TMX3: variants seen among roughly 807,000 people sequenced by gnomAD.
TMX3 encodes thioredoxin related transmembrane protein 3, also known as protein disulfide-isomerase TMX3.
A neutral mutation model predicts 64.4 loss-of-function variants in TMX3; 40 were observed. The observed-to-expected ratio is 0.62, with a 90% CI of 0.48 to 0.81. TMX3 has a LOEUF of 0.81. Among genes scored for constraint, TMX3 ranks in the 30% least tolerant of loss-of-function variants. The pLI is 0.00. For missense variants in TMX3, 497 were observed against 534.5 expected (o/e 0.93, Z 0.69); for synonymous variants, 189 against 175.7 (o/e 1.08, Z -0.60).
chr18:68,713,791 G>T, intron 2 of TMX3, 55 bp downstream of exon 2: 1 of 863,840 alleles, frequency 1.2e-6, no homozygotes, highest in Non-Finnish European at 1.6e-6. Context: ...CAAATATTCA[G>T]ATATCTGAGT....
At chr18:68,684,081 A>G in intron 12 of TMX3, 109 bp downstream of exon 12, 1 of 817,066 alleles carries the variant, frequency 1.2e-6, no homozygotes, top group Non-Finnish European at 2.0e-6. Context: ...ATTTAACTTC[A>G]TTTCTTTGAT....
At chr18:68,679,613 G>T in intron 14 of TMX3, 82 bp from the exon 15 acceptor site, 2 of 1,200,746 alleles carry the variant, frequency 1.7e-6, no homozygotes, top group Non-Finnish European at 1.2e-6. Flanking sequence ...ACAATTGCAG[G>T]CCAAATGGTT....
rs1913738235 is a variant in TMX3, at chr18:68,684,352, A to G, written c.794+76T>C. The stretch of plus-strand genomic sequence containing the variant: ...CTAATTGCTGCAGGAAAAGTAAGAT[A>G]CCATATCAAGTCTATCTAAAGCCAT... On this transcript the variant is annotated intron_variant, in intron 11 of 15. Transcript: ENST00000299608. The G allele has an allele frequency of 1.7e-5, 26 of 1,509,548 alleles. No homozygotes were observed. In the South Asian group the frequency reaches 2.9e-4, roughly 17 times the overall value. The allele number at this position is 1,509,548 out of a possible 1,614,324, so 93.5% of individuals were successfully genotyped here. A position where few individuals can be genotyped will look rare whatever the true frequency, so the allele number is the denominator to read the frequency against.
intron 9 of TMX3, chr18:68,689,795 G>A (rs1250736443): frequency 2.6e-5 from 4 of 152,124 alleles, no homozygotes; most frequent in Non-Finnish European, 5.9e-5. Context: ...ATAAGCATAT[G>A]ATAAACCTGC....
rs924549989 is a variant in TMX3 at position 68,715,023 on chromosome 18, G to C, written c.-42C>G. The C allele has an allele frequency of 6.4e-7, 1 of 1,554,626 alleles. No homozygotes were observed. ...TGCAGAAGCTGACTGTGCAAAAGAG[G>C]GATAAAGACACTGGGGTCCGCCGCC... On this transcript the variant is annotated 5_prime_UTR_variant, in exon 1 of 16. Transcript: ENST00000299608.
chr18:68,684,281 A>C (rs763117538), intron 11 of TMX3, 38 bp from the exon 12 acceptor site: 14 of 1,562,532 alleles, frequency 9.0e-6, no homozygotes, highest in Non-Finnish European at 1.1e-5. Context: ...TCATCTCTGC[A>C]CTTGAAAAAC....
At position 68,687,721 on chromosome 18, in the gene TMX3, A is replaced by G; in HGVS notation, c.682T>C (p.Phe228Leu). 6.2e-7 allele frequency: 1 copy of G among 1,612,694 alleles called. No homozygotes were observed. The highest frequency in any genetic ancestry group is 8.5e-7 in the Non-Finnish European group (1 of 1,179,364). Residue 228 changes from phenylalanine to leucine, a missense_variant, in exon 10 of 16, where the codon TTT becomes CTT. Physicochemically the swap from Phe to Leu is conservative, Grantham distance 22. Transcript: ENST00000299608. ...DLSSWINRER[F>L]QNYLAMDGFL... ...CCATCCATAGCAAGGTAATTCTGAA[A>G]CCTTTCCCTGTTGATCCATGATGAC... is the stretch of plus-strand genomic sequence containing the variant.
At chr18:68,706,602 G>A (rs1230852395) in intron 4 of TMX3, among the ~76,000 whole-genome samples, 1 of 152,116 alleles carries the variant, frequency 6.6e-6, no homozygotes, top group Non-Finnish European at 1.5e-5. Context: ...TACATGCTGA[G>A]GAACAGTGAT....
In TMX3 at chr18:68,675,737, C is replaced by T. The variant is rs1257349881; in HGVS notation, c.*1196G>A. The T allele has an allele frequency of 6.6e-6, 1 of 152,100 alleles. No homozygotes were observed. Among genetic ancestry groups the T allele is most frequent in the East Asian group, 1.9e-4 (1 of 5,204 alleles). 9.4% of individuals were successfully genotyped at this position (152,100 alleles called of 1,614,324 possible). On this transcript the variant is annotated 3_prime_UTR_variant, in exon 16 of 16. Transcript: ENST00000299608. The stretch of plus-strand genomic sequence containing the variant: ...CTACAATAAACATACCAAACTGTTA[C>T]TTTAAAAAAAAGAGTTTTTAGACAT...
chr18:68,689,627 G>C (rs572202184), intron 9 of TMX3: 1 of 152,246 alleles, frequency 6.6e-6, no homozygotes, highest in East Asian at 1.9e-4. Context: ...CTTATTATAT[G>C]AGGAGTACTG....
chr18:68,700,365 T>C (rs369553908), intron 6 of TMX3, 40 bp downstream of exon 6: 2 of 1,312,614 alleles, frequency 1.5e-6, no homozygotes, highest in African/African-American at 1.5e-5. Context: ...AATTTTCAAA[T>C]ATTAATAACA....
chr18:68,686,664 G>A (rs888855577), intron 10 of TMX3: 62 of 917,808 alleles, frequency 6.8e-5, no homozygotes, highest in Non-Finnish European at 7.2e-5. Context: ...CCAAGATCAC[G>A]TCACTGCACT....
At chr18:68,712,021 T>A (rs9964981) in intron 2 of TMX3, among the ~76,000 whole-genome samples, 7,644 of 152,158 alleles carry the variant, frequency 0.05, 630 homozygotes, top group African/African-American at 0.17. Flanking sequence ...TTACAGCATA[T>A]GACGAGCCCA....
chr18:68,686,538 G>A (rs545735286), intron 10 of TMX3, among the ~76,000 whole-genome samples: 14 of 152,092 alleles, frequency 9.2e-5, no homozygotes, highest in Admixed American at 3.3e-4. Flanking sequence ...GTGAAACCCC[G>A]TCTCTGCTAA....
chr18:68,708,160 T>C (rs913108090), intron 4 of TMX3, among the ~76,000 whole-genome samples: 1 of 152,022 alleles, frequency 6.6e-6, no homozygotes, highest in African/African-American at 2.4e-5. Context: ...TTCTTAGACA[T>C]TGTTAAAAGC....
rs943938752 is a variant in TMX3 at position 68,715,024 on chromosome 18, G to A, written c.-43C>T. On this transcript the variant is annotated 5_prime_UTR_variant, in exon 1 of 16. Transcript: ENST00000299608. Reference sequence around the variant, plus strand: ...GCAGAAGCTGACTGTGCAAAAGAGGGATAAAGACACTGGGGTCCGCCGCCT... The same window carrying A: ...GCAGAAGCTGACTGTGCAAAAGAGGAATAAAGACACTGGGGTCCGCCGCCT... 6.4e-7 allele frequency: 1 copy of A among 1,554,300 alleles called. No individual in the cohort carries two copies. Among genetic ancestry groups the A allele is most frequent in the Non-Finnish European group, 8.7e-7 (1 of 1,149,222 alleles).
intron 2 of TMX3, among the ~76,000 whole-genome samples, chr18:68,713,055 C>A (rs1338385855): frequency 6.6e-6 from 1 of 151,900 alleles, no homozygotes; most frequent in Non-Finnish European, 1.5e-5. Flanking sequence ...TCCATCTCTC[C>A]CCATGAAACA....
intron 14 of TMX3, 151 bp from the exon 15 acceptor site, chr18:68,679,682 G>GA (rs1480838929): frequency 1.6e-5 from 10 of 609,250 alleles, no homozygotes. Context: ...TTACTGTGTT[G>GA]TTTTTTGTCT....
chr18:68,680,702 C>A (rs1913333121), intron 14 of TMX3, among the ~76,000 whole-genome samples: 1 of 152,126 alleles, frequency 6.6e-6, no homozygotes, highest in Admixed American at 6.6e-5. Flanking sequence ...CCTTAGCCAA[C>A]AGCCCCTCCC....
Sources: allele counts gnomAD v4.1 joint callset (sites outside exome capture counted in the v4.1 genomes callset), GRCh38; gene constraint gnomAD v4.1.1; transcripts MANE v1.5; gene names NCBI Gene and HGNC (gene_info 2026-07-23, HGNC 2026-07-21).